The following ITGB2 variants were observed in gnomAD, a reference collection of about 807,000 sequenced individuals.
The protein encoded by ITGB2 is integrin subunit beta 2.
ITGB2 carries 56 observed loss-of-function variants against 86.8 expected under a neutral mutation model. The ratio of observed to expected loss-of-function variants is 0.65; its 90% CI spans 0.52 to 0.81. The LOEUF is 0.81. ITGB2 is among the 30% of genes least tolerant of loss of function. The pLI is 0.00. For missense variants in ITGB2, 948 were observed against 1,061.2 expected, an observed-to-expected ratio of 0.89 and a Z score of 1.48; for synonymous variants, 457 against 450.4, an observed-to-expected ratio of 1.01 and a Z score of -0.19.
intron 9 of ITGB2, 75 bp downstream of exon 9, chr21:44,894,896 C>A (rs1220399111): frequency 3.7e-5 from 39 of 1,041,698 alleles, no homozygotes; most frequent in Non-Finnish European, 5.5e-5. Context: ...TGCTGACCTG[C>A]AGCAGGAGCT....
rs73906936 is a variant in ITGB2, at chr21:44,901,189, C to T, written c.741+303G>A. ...CCACGGGACCTGCTGCCTAGCGGCC[C>T]TGTTCCACCCTTGGCCGCTCGCAAA... is the stretch of plus-strand genomic sequence containing the variant. On this transcript the variant is annotated intron_variant, in intron 6 of 15. Transcript: ENST00000652462. Among the ~76,000 whole-genome samples, 278 of 152,324 alleles carry T rather than the reference C, an allele frequency of 1.8e-3. 1 individual carries two copies. Among genetic ancestry groups the T allele is most frequent in the African/African-American group, 6.1e-3 (255 of 41,576 alleles).
chr21:44,899,958 A>G (rs2083925381), intron 7 of ITGB2, among the ~76,000 whole-genome samples: 2 of 152,154 alleles, frequency 1.3e-5, no homozygotes, highest in South Asian at 4.1e-4. Context: ...ATGCTTGGGG[A>G]TGGGACCCTG....
chr21:44,910,762 TG>T lies in ITGB2; in HGVS notation c.20del (p.Pro7HisfsTer43). The T allele has an allele frequency of 6.2e-7, 1 of 1,613,714 alleles. No homozygotes were observed. The highest frequency in any genetic ancestry group is 8.5e-7 in the Non-Finnish European group (1 of 1,179,896). The part of the protein sequence containing the change: MLGLRP[P>X]LLALVGLLSL... ...AGAGCAGCCCCACCAGGGCGAGCAG[TG>T]GGGGGCGCAGGCCCAGCATGTCCTG... On this transcript the variant is annotated frameshift_variant, in exon 2 of 16. Transcript: ENST00000652462. LOFTEE classifies it high-confidence loss of function.
Position 44,889,458 on chromosome 21 carries a change from G to A in ITGB2, c.1695C>T (p.His565=). 2 of 1,595,004 alleles carry A rather than the reference G, an allele frequency of 1.3e-6. No homozygotes were observed. Among genetic ancestry groups the A allele is most frequent in the Non-Finnish European group, 8.5e-7 (1 of 1,171,248 alleles). ...GLCFCGKCRC[H]PGFEGSACQC... ...GGCACGCTGAGCCCTCAAAGCCCGG[G>A]TGGCAGCGGCACTTCCCGCAGAAGC... Residue 565 remains histidine, a synonymous_variant, in exon 13 of 16, where the codon CAC becomes CAT. Coordinates refer to ENST00000652462, the MANE Select transcript of ITGB2 (RefSeq NM_000211.5).
At position 44,899,159 on chromosome 21, in the gene ITGB2, A is replaced by C; in HGVS notation, c.901T>G (p.Tyr301Asp). Reference protein sequence around the residue: ...NLYKRSNEFDYPSVGQLAHKL... With the variant: ...NLYKRSNEFDDPSVGQLAHKL... ...TGCGCCAGCTGGCCCACCGATGGGTAGTCCTGGAGAGAGGAGGTCCTGCTC... is the reference window on the plus strand; with the variant it reads ...TGCGCCAGCTGGCCCACCGATGGGTCGTCCTGGAGAGAGGAGGTCCTGCTC... The change falls in exon 8 of 16, where the codon TAC becomes GAC. Residue 301 changes from tyrosine to aspartate, a missense_variant. Transcript: ENST00000652462. 1.2e-6 allele frequency: 2 copies of C among 1,613,118 alleles called. No individual in the cohort carries two copies. The highest frequency in any genetic ancestry group is 2.2e-5 in the South Asian group (2 of 91,038).
At chr21:44,893,622 C>T (rs1321506585) in intron 9 of ITGB2, 78 bp from the exon 10 acceptor site, 71 of 1,569,808 alleles carry the variant, frequency 4.5e-5, no homozygotes, top group South Asian at 2.3e-4. Context: ...GGTTTAGACC[C>T]GTCTCCACTT....
In ITGB2 at chr21:44,889,284, G is replaced by T; in HGVS notation, c.1869C>A (p.Gly623=). ...QECPGCPSPC[G]KYISCAECLK... ...GCTCCGCCTGCACTCACATGTACTT[G>T]CCACAGGGTGAGGGGCAGCCGGGGC... The change falls in exon 13 of 16, where the codon GGC becomes GGA. Residue 623 remains glycine, a synonymous_variant. Transcript: ENST00000652462. 1 of 1,612,682 alleles carries T rather than the reference G, an allele frequency of 6.2e-7. No individual in the cohort carries two copies. Among genetic ancestry groups the T allele is most frequent in the Non-Finnish European group, 8.5e-7 (1 of 1,179,772 alleles).
upstream of ITGB2, among the ~76,000 whole-genome samples, chr21:44,923,184 T>C (rs970005526): frequency 6.6e-6 from 1 of 152,068 alleles, no homozygotes; most frequent in Non-Finnish European, 1.5e-5. Context: ...ATCGTAGGGA[T>C]GCAATTAGCA....
chr21:44,889,243 C>T (rs1215946213), intron 13 of ITGB2, 33 bp downstream of exon 13: 1 of 1,601,940 alleles, frequency 6.2e-7, no homozygotes, highest in East Asian at 2.2e-5. Flanking sequence ...AGTGGGGATC[C>T]CTGCCCGCCC....
At chr21:44,922,489 C>T (rs1213063015), upstream of ITGB2, among the ~76,000 whole-genome samples, 1 of 151,620 alleles carries the variant, frequency 6.6e-6, no homozygotes, top group Non-Finnish European at 1.5e-5. Context: ...ATTTGGAGAC[C>T]CAGACCCTCA....
At position 44,895,061 on chromosome 21, in the gene ITGB2, C is replaced by G. The variant is rs1293268696; in HGVS notation, c.994-1G>C. ...ACTTGGGGATGATCTCGGTGAGTTT[C>G]TGTTGGGCAAGAAGACCAGACATGG... On this transcript the variant is annotated splice_acceptor_variant, in intron 8 of 15. Coordinates refer to ENST00000652462, the MANE Select transcript of ITGB2 (RefSeq NM_000211.5). LOFTEE classifies it high-confidence loss of function. 6.2e-7 allele frequency: 1 copy of G among 1,612,136 alleles called. No homozygotes were observed. Among genetic ancestry groups the G allele is most frequent in the South Asian group, 1.1e-5 (1 of 91,060 alleles).
intron 3 of ITGB2, 149 bp downstream of exon 3, chr21:44,910,135 C>G: frequency 1.1e-6 from 1 of 923,398 alleles, no homozygotes; most frequent in Non-Finnish European, 1.6e-6. Flanking sequence ...CCTCAGGGGC[C>G]CCTTGAGGGG....
intron 7 of ITGB2, among the ~76,000 whole-genome samples, chr21:44,899,999 T>C (rs1453207960): frequency 1.3e-5 from 2 of 152,062 alleles, no homozygotes; most frequent in Non-Finnish European, 2.9e-5. Context: ...GGTGCAGCCG[T>C]AGCCTGGGGG....
At chr21:44,913,797 C>T (rs1196154868) in intron 1 of ITGB2, among the ~76,000 whole-genome samples, 2 of 152,310 alleles carry the variant, frequency 1.3e-5, no homozygotes, top group East Asian at 3.9e-4. Context: ...CCCATCAGGC[C>T]TATCTGCCTC....
rs2146520645 is a variant in ITGB2 at position 44,899,058 on chromosome 21, A to G, written c.993+9T>C. ...ACCCAATGGATGCTCGGGACCCAAC[A>G]GCACTCACCTCGTAGGTCTTCACCA... On this transcript the variant is annotated intron_variant, in intron 8 of 15. Transcript: ENST00000652462. 1 of 1,608,108 alleles carries G rather than the reference A, an allele frequency of 6.2e-7. No homozygotes were observed. The highest frequency in any genetic ancestry group is 2.2e-5 in the East Asian group (1 of 44,846).
intron 6 of ITGB2, among the ~76,000 whole-genome samples, chr21:44,900,861 C>T (rs1350216613): frequency 6.6e-6 from 1 of 152,202 alleles, no homozygotes; most frequent in Admixed American, 6.5e-5. Context: ...CCTGAGGGGC[C>T]CAGCAGGCCT....
chr21:44,889,401 G>A lies in ITGB2; in HGVS notation c.1752C>T (p.Asn584=), dbSNP rs1309083048. 3 of 1,612,514 alleles carry A rather than the reference G, an allele frequency of 1.9e-6. No individual in the cohort carries two copies. The highest frequency in any genetic ancestry group is 2.7e-5 in the African/African-American group (2 of 74,904). ...GACCACTACACTCAACACGCCGCGGGTTCAGGCAGCCCTCAGTGGTCCTCT... is the reference window on the plus strand; with the variant it reads ...GACCACTACACTCAACACGCCGCGGATTCAGGCAGCCCTCAGTGGTCCTCT... ...QCERTTEGCL[N]PRRVECSGRG... Residue 584 remains asparagine (N), a synonymous_variant, in exon 13 of 16, where the codon AAC becomes AAT. Coordinates refer to ENST00000652462, the MANE Select transcript of ITGB2 (RefSeq NM_000211.5).
At chr21:44,909,129 C>T (rs1334067205) in intron 3 of ITGB2, among the ~76,000 whole-genome samples, 5 of 152,166 alleles carry the variant, frequency 3.3e-5, no homozygotes, top group South Asian at 2.1e-4. Context: ...GCTGAGCCTG[C>T]GGGTGCGATT....
At chr21:44,899,194 C>T (rs771705037) in intron 7 of ITGB2, 32 bp from the exon 8 acceptor site, 10 of 1,540,170 alleles carry the variant, frequency 6.5e-6, no homozygotes, top group Middle Eastern at 1.7e-4. Flanking sequence ...CAGTTGGCCC[C>T]GAGTCCAGGA....
Sources: allele counts gnomAD v4.1 joint callset (sites outside exome capture counted in the v4.1 genomes callset), GRCh38; gene constraint gnomAD v4.1.1; transcripts MANE v1.5; gene names NCBI Gene and HGNC (gene_info 2026-07-23, HGNC 2026-07-21).